Variants in MCF2L2 observed in about 807,000 individuals in gnomAD.
MCF2L2 encodes the protein MCF.2 cell line derived transforming sequence-like 2, also known as probable guanine nucleotide exchange factor MCF2L2.
In MCF2L2, 102 loss-of-function variants were observed where a neutral mutation model predicts 150.2. That is an observed-to-expected ratio of 0.68 (90% CI 0.58 to 0.80). MCF2L2 has a LOEUF of 0.80. Ranked by LOEUF, MCF2L2 falls within the 30% of genes least tolerant of loss-of-function variation. MCF2L2 has a pLI of 0.00. For synonymous variants in MCF2L2, 465 were observed against 491.3 expected, an observed-to-expected ratio of 0.95 and a Z score of 0.71; for missense variants, 1,256 against 1,372.8, an observed-to-expected ratio of 0.91 and a Z score of 1.34.
intron 15 of MCF2L2, among the ~76,000 whole-genome samples, chr3:183,274,132 T>C (rs931886037): frequency 1.3e-5 from 2 of 152,020 alleles, no homozygotes; most frequent in Non-Finnish European, 2.9e-5. Flanking sequence ...GGAGAATTGC[T>C]TGAACCTGGG....
intron 15 of MCF2L2, among the ~76,000 whole-genome samples, chr3:183,231,436 A>C (rs527743137): frequency 6.2e-5 from 8 of 128,996 alleles, no homozygotes; most frequent in African/African-American, 2.1e-4. Flanking sequence ...TTTTCTCTCC[A>C]GCTTTCTGCT....
At chr3:183,356,139 G>A (rs1711762364) in intron 3 of MCF2L2, among the ~76,000 whole-genome samples, 2 of 143,624 alleles carry the variant, frequency 1.4e-5, no homozygotes, top group Admixed American at 1.4e-4. Flanking sequence ...AGAATACAAA[G>A]AGCAGGTCTT....
chr3:183,337,274 C>T (rs996788074), intron 5 of MCF2L2, among the ~76,000 whole-genome samples: 1 of 152,076 alleles, frequency 6.6e-6, no homozygotes, highest in Non-Finnish European at 1.5e-5. Context: ...AAGAAACTAT[C>T]AGCTAGGCAC....
chr3:183,344,838 C>G (rs1474680840), intron 3 of MCF2L2, among the ~76,000 whole-genome samples: 1 of 152,138 alleles, frequency 6.6e-6, no homozygotes, highest in African/African-American at 2.4e-5. Flanking sequence ...AAGGGAATTA[C>G]ATAATGGTAA....
chr3:183,406,150 A>T (rs1015872350), intron 1 of MCF2L2, among the ~76,000 whole-genome samples: 4 of 152,210 alleles, frequency 2.6e-5, no homozygotes, highest in Non-Finnish European at 5.9e-5. Flanking sequence ...GTTTAACTTT[A>T]TAAGACACTG....
At chr3:183,411,424 T>C (rs1284554724) in intron 1 of MCF2L2, among the ~76,000 whole-genome samples, 3 of 152,210 alleles carry the variant, frequency 2.0e-5, no homozygotes, top group Admixed American at 6.5e-5. Flanking sequence ...AGAGGCCCTC[T>C]GGCTGGGTCA....
chr3:183,179,395 G>C lies in MCF2L2; in HGVS notation c.3330C>G (p.Ser1110=). 6.5e-7 allele frequency: 1 copy of C among 1,550,374 alleles called. No homozygotes were observed. The highest frequency in any genetic ancestry group is 8.7e-7 in the Non-Finnish European group (1 of 1,147,540). ...CGCAGGGAGGTCAGCTCTCCTGGGCGGAGGTCCTCGGGCGCAGCGCCCTCG... is the reference window on the plus strand; with the variant it reads ...CGCAGGGAGGTCAGCTCTCCTGGGCCGAGGTCCTCGGGCGCAGCGCCCTCG... ...FQARALRPRT[S]AQES The change falls in exon 30 of 30, where the codon TCC becomes TCG. Residue 1110 remains serine (S), a synonymous_variant. Transcript: ENST00000328913. The surrounding 1 kb of genome is among the most constrained non-coding windows in gnomAD (Gnocchi z 4.2).
intron 3 of MCF2L2, among the ~76,000 whole-genome samples, chr3:183,345,332 C>T (rs571175878): frequency 3.9e-5 from 6 of 152,008 alleles, no homozygotes; most frequent in South Asian, 2.1e-4. Context: ...GGGTAAATAA[C>T]GAAATTAAGG....
intron 10 of MCF2L2, 138 bp downstream of exon 10, chr3:183,309,578 G>T: frequency 9.7e-7 from 1 of 1,036,088 alleles, no homozygotes; most frequent in Non-Finnish European, 1.5e-6. Context: ...CTCTCTCCTT[G>T]GGATCCTGGG....
rs1250777356 is a variant in MCF2L2 at position 183,351,216 on chromosome 3, ATATATATATATATATATATATT to A, written c.276-9608_276-9587del. On this transcript the variant is annotated intron_variant, in intron 3 of 29. Coordinates refer to ENST00000328913, the MANE Select transcript of MCF2L2 (RefSeq NM_015078.4). The stretch of plus-strand genomic sequence containing the variant: ...TATATATATATATATATATATATAT[ATATATATATATATATATATATT>A]TATTTATTTATTTATCAGAACCCCA... 7.5e-4 allele frequency among the ~76,000 whole-genome samples: 64 copies of A among 85,366 alleles called. 1 individual carries two copies. Among genetic ancestry groups the A allele is most frequent in the African/African-American group, 2.8e-3 (49 of 17,688 alleles). The allele number at this position is 85,366 out of a possible 152,430, so 56.0% of individuals were successfully genotyped here.
At chr3:183,313,393 G>A (rs544320161) in intron 7 of MCF2L2, among the ~76,000 whole-genome samples, 74 of 152,348 alleles carry the variant, frequency 4.9e-4, no homozygotes, top group Admixed American at 9.8e-4. Context: ...GAGCATGAAT[G>A]AGGAAAGTGT....
chr3:183,340,191 G>A (rs867027974), intron 4 of MCF2L2, among the ~76,000 whole-genome samples: 3 of 152,176 alleles, frequency 2.0e-5, no homozygotes, highest in Non-Finnish European at 2.9e-5. Context: ...GTGCCAAGAC[G>A]GAAAGTATTA....
At chr3:183,187,714 G>A (rs199864766) in intron 27 of MCF2L2, among the ~76,000 whole-genome samples, 4 of 152,064 alleles carry the variant, frequency 2.6e-5, no homozygotes, top group South Asian at 2.1e-4. Flanking sequence ...TGATCCTCCC[G>A]CCTCGGCCTC....
chr3:183,334,435 G>A (rs1425807267), intron 5 of MCF2L2, among the ~76,000 whole-genome samples: 1 of 152,048 alleles, frequency 6.6e-6, no homozygotes, highest in Admixed American at 6.6e-5. Context: ...GGACAGATGA[G>A]CACCGTGGGC....
rs546281898 is a variant in MCF2L2 at position 183,343,928 on chromosome 3, TAGGAG to T, written c.276-2303_276-2299del. ...GCTCACACCTGTAATCCCAGCACCTTAGGAGGCCAAGGCAGGAGGATCGCTTGGGC... is the reference window on the plus strand; with the variant it reads ...GCTCACACCTGTAATCCCAGCACCTTGCCAAGGCAGGAGGATCGCTTGGGC... On this transcript the variant is annotated intron_variant, in intron 3 of 29. Coordinates refer to ENST00000328913, the MANE Select transcript of MCF2L2 (RefSeq NM_015078.4). 1.1e-4 allele frequency among the ~76,000 whole-genome samples: 16 copies of T among 152,146 alleles called. No individual in the cohort carries two copies. In the East Asian group the frequency reaches 3.1e-3, roughly 29 times the overall value.
At chr3:183,277,454 A>G (rs1727226113) in intron 14 of MCF2L2, among the ~76,000 whole-genome samples, 1 of 149,376 alleles carries the variant, frequency 6.7e-6, no homozygotes, top group Non-Finnish European at 1.5e-5. Context: ...TGCATTCAAC[A>G]TCTCCTTTTT....
intron 7 of MCF2L2, among the ~76,000 whole-genome samples, chr3:183,313,569 G>A (rs1212974943): frequency 2.6e-5 from 4 of 152,198 alleles, no homozygotes; most frequent in African/African-American, 7.2e-5. Flanking sequence ...GAACACAGAC[G>A]GAAAGATGGA....
chr3:183,289,093 C>CT (rs778629661), intron 14 of MCF2L2, 27 bp downstream of exon 14: 20 of 1,465,858 alleles, frequency 1.4e-5, no homozygotes, highest in Non-Finnish European at 1.8e-5. Flanking sequence ...TCAGGAAGTT[C>CT]TATAAGTAAA....
chr3:183,228,904 C>T lies in MCF2L2; in HGVS notation c.2046-538G>A, dbSNP rs139820306. ...AAATAGTATCTCATTTAATCCTCAACCAAAGATAGGGTTTTATAAATATAA... is the reference window on the plus strand; with the variant it reads ...AAATAGTATCTCATTTAATCCTCAATCAAAGATAGGGTTTTATAAATATAA... On this transcript the variant is annotated intron_variant, in intron 17 of 29. Coordinates refer to ENST00000328913, the MANE Select transcript of MCF2L2 (RefSeq NM_015078.4). Among the ~76,000 whole-genome samples, 18 of 152,268 alleles carry T rather than the reference C, an allele frequency of 1.2e-4. 1 individual carries two copies. The East Asian group carries it at 3.3e-3, about 28-fold the overall frequency.
Sources: gnomAD v4.1 joint callset for allele counts (sites outside exome capture counted in the v4.1 genomes callset) on GRCh38, gnomAD v4.1.1 for gene constraint, Gnocchi (gnomAD v3.1) non-coding constraint, MANE v1.5 for transcripts, NCBI Gene and HGNC (gene_info 2026-07-23, HGNC 2026-07-21) for gene names.